Variants in IRGM observed in about 807,000 individuals in gnomAD.
IRGM encodes immunity-related GTPase family M protein.
For synonymous variants in IRGM, 98 were observed against 80.6 expected (o/e 1.22, Z -1.16); for missense variants, 288 against 219.9 (o/e 1.31, Z -1.96).
intron 1 of IRGM, among the ~76,000 whole-genome samples, chr5:150,873,451 C>A (rs1754316403): frequency 6.6e-6 from 1 of 152,154 alleles, no homozygotes; most frequent in African/African-American, 2.4e-5. Flanking sequence ...CCCAAGGAGA[C>A]CTCTGGCCTT....
At chr5:150,856,722 G>A (rs1318885708) in intron 1 of IRGM, among the ~76,000 whole-genome samples, 2 of 151,094 alleles carry the variant, frequency 1.3e-5, no homozygotes, top group Non-Finnish European at 3.0e-5. Flanking sequence ...CACCTGCCTC[G>A]GCCTCCCAAA....
At chr5:150,885,259 GT>G (rs1561750215) in intron 3 of IRGM, among the ~76,000 whole-genome samples, 1 of 151,976 alleles carries the variant, frequency 6.6e-6, no homozygotes, top group Admixed American at 6.6e-5. Flanking sequence ...TCTCTATCCT[GT>G]TCCATTGGTC....
chr5:150,855,560 A>G (rs1391028442), intron 1 of IRGM, among the ~76,000 whole-genome samples: 1 of 152,216 alleles, frequency 6.6e-6, no homozygotes, highest in Non-Finnish European at 1.5e-5. Context: ...CAAAAAAGTG[A>G]CAAGGAGGAA....
downstream of IRGM, among the ~76,000 whole-genome samples, chr5:150,849,004 A>G (rs1389666289): frequency 6.6e-6 from 1 of 152,064 alleles, no homozygotes; most frequent in Non-Finnish European, 1.5e-5. Context: ...AGGTGTGGAC[A>G]GGGTGCAGGG....
Position 150,847,800 on chromosome 5 carries a change from A to C in IRGM, c.-324A>C. ...CTTAACCTCTTTTTGCCACACCATA[A>C]GCATTGGGTTTTGTTTGTTTTGAGA... On this transcript the variant is annotated 5_prime_UTR_variant, in exon 2 of 2. Transcript: ENST00000522154. The C allele has an allele frequency of 4.2e-6, 1 of 235,966 alleles. No individual in the cohort carries two copies. The allele number at this position is 235,966 out of a possible 1,614,324, so 14.6% of individuals were successfully genotyped here.
chr5:150,901,743 G>A (rs77599091), downstream of IRGM, among the ~76,000 whole-genome samples: 5,819 of 151,948 alleles, frequency 0.038, 171 homozygotes, highest in East Asian at 0.15. Flanking sequence ...CAACCCTATG[G>A]GGATTATAAT....
At chr5:150,850,797 T>C (rs1359239532), downstream of IRGM, among the ~76,000 whole-genome samples, 1 of 152,276 alleles carries the variant, frequency 6.6e-6, no homozygotes, top group Non-Finnish European at 1.5e-5. Context: ...TTCCACCCCC[T>C]GTAGTGAGAG....
At chr5:150,860,061 T>A (rs1754115419) in intron 1 of IRGM, among the ~76,000 whole-genome samples, 1 of 152,204 alleles carries the variant, frequency 6.6e-6, no homozygotes, top group Non-Finnish European at 1.5e-5. Context: ...ATAGATTTCA[T>A]TGCTCAATAT....
chr5:150,875,355 C>T (rs28840396), intron 1 of IRGM, among the ~76,000 whole-genome samples: 4,847 of 152,174 alleles, frequency 0.032, 248 homozygotes, highest in African/African-American at 0.11. Flanking sequence ...GTGCACTTTG[C>T]GTGGAAGGAA....
At chr5:150,898,916 A>AC (rs892546727) in intron 3 of IRGM, among the ~76,000 whole-genome samples, 23 of 151,924 alleles carry the variant, frequency 1.5e-4, no homozygotes, top group Admixed American at 1.2e-3. Context: ...TGAAGTCCTA[A>AC]CCCCCAGTAC....
intron 1 of IRGM, among the ~76,000 whole-genome samples, chr5:150,856,794 C>T (rs1339256391): frequency 6.6e-6 from 1 of 150,802 alleles, no homozygotes; most frequent in African/African-American, 2.4e-5. Context: ...AATCCCTCTT[C>T]CTCATCCATA....
intron 3 of IRGM, among the ~76,000 whole-genome samples, chr5:150,891,473 CT>C (rs567213327): frequency 2.2e-4 from 33 of 151,970 alleles, no homozygotes; most frequent in South Asian, 1.5e-3. Context: ...TCTATTTGTT[CT>C]GTTTTTTGTT....
At chr5:150,881,149 G>A (rs1335885721) in intron 3 of IRGM, among the ~76,000 whole-genome samples, 2 of 151,234 alleles carry the variant, frequency 1.3e-5, no homozygotes, top group African/African-American at 2.4e-5. Context: ...AAATAGCTTC[G>A]ATTTTTAAAT....
chr5:150,902,051 T>G (rs887780376), downstream of IRGM, among the ~76,000 whole-genome samples: 11 of 152,142 alleles, frequency 7.2e-5, no homozygotes, highest in Admixed American at 2.6e-4. Context: ...CAAAAAAGGT[T>G]TGGAAGGTTA....
intron 3 of IRGM, chr5:150,898,176 C>T (rs371107991): frequency 1.2e-6 from 2 of 1,613,092 alleles, no homozygotes; most frequent in African/African-American, 2.7e-5. Context: ...GGTTTGGAAA[C>T]TGGATACCCT....
intron 1 of IRGM, among the ~76,000 whole-genome samples, chr5:150,863,254 G>A (rs62380623): frequency 0.06 from 9,130 of 152,204 alleles, 396 homozygotes; most frequent in Non-Finnish European, 0.093. Flanking sequence ...AAGTAAAGCT[G>A]CAGAAAAAAG....
downstream of IRGM, among the ~76,000 whole-genome samples, chr5:150,851,629 A>T (rs577148438): frequency 6.6e-6 from 1 of 152,188 alleles, no homozygotes; most frequent in Non-Finnish European, 1.5e-5. Context: ...ATATTTCTGA[A>T]TCTTGCTTGA....
intron 3 of IRGM, chr5:150,896,057 T>A: frequency 1.2e-6 from 2 of 1,613,600 alleles, no homozygotes; most frequent in Non-Finnish European, 1.7e-6. Flanking sequence ...TAATCAGCTG[T>A]GACTTCTGGG....
chr5:150,855,375 T>C (rs1490241147), intron 1 of IRGM, among the ~76,000 whole-genome samples: 1 of 152,220 alleles, frequency 6.6e-6, no homozygotes, highest in Non-Finnish European at 1.5e-5. Flanking sequence ...AAGAGTTTGT[T>C]TTATTCATTA....
Sources: allele counts gnomAD v4.1 joint callset (sites outside exome capture counted in the v4.1 genomes callset), GRCh38; gene constraint gnomAD v4.1.1; transcripts MANE v1.5; gene names NCBI Gene and HGNC (gene_info 2026-07-23, HGNC 2026-07-21).